Variants in SNAPC3 observed in about 807,000 individuals in gnomAD.
The protein encoded by SNAPC3 is small nuclear RNA activating complex polypeptide 3, also known as snRNA-activating protein complex subunit 3.
A neutral mutation model predicts 47.7 loss-of-function variants in SNAPC3; 56 were observed. The ratio of observed to expected loss-of-function variants is 1.18; its 90% CI spans 0.95 to 1.47. The LOEUF is 1.47. SNAPC3 is among the 40% of genes most tolerant of loss of function. The pLI is 0.00. For missense variants in SNAPC3, 665 were observed against 511.3 expected, an observed-to-expected ratio of 1.30 and a Z score of -2.90; for synonymous variants, 235 against 189.9, an observed-to-expected ratio of 1.24 and a Z score of -1.95.
chr9:15,428,354 T>G (rs909949310), intron 2 of SNAPC3, among the ~76,000 whole-genome samples: 1 of 151,172 alleles, frequency 6.6e-6, no homozygotes, highest in Non-Finnish European at 1.5e-5. Context: ...GTAAAGCCTG[T>G]TAAGTCTAGC....
At chr9:15,451,168 T>C (rs943434562) in intron 5 of SNAPC3, 152 bp from the exon 6 acceptor site, 1 of 408,708 alleles carries the variant, frequency 2.4e-6, no homozygotes, top group Non-Finnish European at 4.4e-6. Flanking sequence ...ACGTAGTGAT[T>C]ATAACAGCAA....
chr9:15,428,948 C>T (rs2031797069), intron 2 of SNAPC3, among the ~76,000 whole-genome samples: 1 of 151,776 alleles, frequency 6.6e-6, no homozygotes, highest in Non-Finnish European at 1.5e-5. Context: ...AAAACATAAT[C>T]CAGCAAAAGT....
At chr9:15,428,759 A>G (rs772975576) in intron 2 of SNAPC3, among the ~76,000 whole-genome samples, 19 of 152,176 alleles carry the variant, frequency 1.2e-4, no homozygotes, top group Non-Finnish European at 2.2e-4. Flanking sequence ...ATAGACTGAA[A>G]TGAAAGCAAG....
chr9:15,443,887 A>G (rs1037282821), intron 3 of SNAPC3, among the ~76,000 whole-genome samples: 9 of 152,306 alleles, frequency 5.9e-5, no homozygotes, highest in East Asian at 1.9e-4. Context: ...CTCGTCATCA[A>G]ACACTCCCCT....
chr9:15,447,599 A>G (rs900433374), intron 5 of SNAPC3, among the ~76,000 whole-genome samples: 2 of 151,982 alleles, frequency 1.3e-5, no homozygotes, highest in African/African-American at 2.4e-5. Flanking sequence ...TCTCAGCTCA[A>G]TAGTGACCAC....
intron 1 of SNAPC3, among the ~76,000 whole-genome samples, 178 bp from the exon 2 acceptor site, chr9:15,423,731 C>G (rs527278321): frequency 2.0e-5 from 3 of 152,288 alleles, no homozygotes; most frequent in East Asian, 1.9e-4. Flanking sequence ...CTTCATCGGC[C>G]TTTTCATTAT....
intron 2 of SNAPC3, among the ~76,000 whole-genome samples, chr9:15,425,049 A>C (rs191161423): frequency 6.6e-6 from 1 of 152,166 alleles, no homozygotes; most frequent in Non-Finnish European, 1.5e-5. Flanking sequence ...CTATGGCCCT[A>C]CATCTCCTAT....
chr9:15,458,421 T>C (rs1337493218), intron 8 of SNAPC3, among the ~76,000 whole-genome samples: 1 of 152,168 alleles, frequency 6.6e-6, no homozygotes, highest in Non-Finnish European at 1.5e-5. Flanking sequence ...AGGGTCACAG[T>C]GCACATTACC....
intron 3 of SNAPC3, among the ~76,000 whole-genome samples, chr9:15,443,002 C>G (rs2033620696): frequency 2.6e-5 from 4 of 152,184 alleles, no homozygotes; most frequent in South Asian, 2.1e-4. Context: ...AACCCCGTCT[C>G]CACCAAAAAA....
intron 8 of SNAPC3, among the ~76,000 whole-genome samples, chr9:15,459,416 GGTAT>G (rs2035031101): frequency 6.6e-6 from 1 of 152,136 alleles, no homozygotes; most frequent in South Asian, 2.1e-4. Context: ...TTGGAGGATA[GGTAT>G]GTCGTGGCAA....
intron 3 of SNAPC3, among the ~76,000 whole-genome samples, chr9:15,442,894 T>A (rs934024506): frequency 7.2e-5 from 11 of 152,032 alleles, no homozygotes; most frequent in African/African-American, 2.7e-4. Context: ...GAGCACTGAG[T>A]GAAGGAGACT....
chr9:15,431,519 A>G (rs943689850), intron 2 of SNAPC3, among the ~76,000 whole-genome samples: 4 of 152,106 alleles, frequency 2.6e-5, no homozygotes, highest in Non-Finnish European at 5.9e-5. Flanking sequence ...GATACAGGAG[A>G]TAACAGAGTA....
chr9:15,423,841 C>G (rs2030944766), intron 1 of SNAPC3, 68 bp from the exon 2 acceptor site: 2 of 912,580 alleles, frequency 2.2e-6, no homozygotes, highest in Admixed American at 2.8e-5. Flanking sequence ...TTTAGGAAAA[C>G]AACCCTAACT....
At chr9:15,446,137 G>C (rs2033911940) in intron 4 of SNAPC3, among the ~76,000 whole-genome samples, 1 of 152,142 alleles carries the variant, frequency 6.6e-6, no homozygotes, top group Non-Finnish European at 1.5e-5. Flanking sequence ...TGTCAGTTTG[G>C]TATCATCTTG....
rs1422205351 is a variant in SNAPC3 at position 15,423,909 on chromosome 9, C to G, written c.315C>G (p.Gly105=). 3.2e-6 allele frequency: 5 copies of G among 1,553,754 alleles called. No homozygotes were observed. The African/African-American group carries it at 5.6e-5, about 17-fold the overall frequency. The part of the protein sequence containing the change: ...EAAAELRAVC[G]LDKLKCLEDG... Reference sequence around the variant, plus strand: ...GTATTGCTTTTCCTTTTTGTTTTAGCCTTGATAAACTGAAATGCCTTGAGG... The same window carrying G: ...GTATTGCTTTTCCTTTTTGTTTTAGGCTTGATAAACTGAAATGCCTTGAGG... Residue 105 remains glycine, a splice_region_variant and synonymous_variant, in exon 2 of 9, where the codon GGC becomes GGG. Transcript: ENST00000380821.
intron 3 of SNAPC3, among the ~76,000 whole-genome samples, chr9:15,436,075 C>T (rs2032775764): frequency 2.6e-5 from 4 of 152,126 alleles, no homozygotes; most frequent in Admixed American, 2.6e-4. Context: ...AACTCCTGAC[C>T]TCAGGTGATC....
downstream of SNAPC3, chr9:15,465,654 G>T: frequency 3.2e-6 from 4 of 1,261,192 alleles, no homozygotes; most frequent in Non-Finnish European, 4.5e-6. Flanking sequence ...CATTAAGTCT[G>T]CATTATATTT....
chr9:15,454,824 C>T (rs962902847), intron 7 of SNAPC3, among the ~76,000 whole-genome samples: 2 of 152,152 alleles, frequency 1.3e-5, no homozygotes, highest in Non-Finnish European at 2.9e-5. Flanking sequence ...GTCCTAGCTA[C>T]TCGGGAGGCT....
At chr9:15,451,989 A>T (rs1334149859) in intron 6 of SNAPC3, among the ~76,000 whole-genome samples, 1 of 151,764 alleles carries the variant, frequency 6.6e-6, no homozygotes, top group Non-Finnish European at 1.5e-5. Flanking sequence ...AAAATGAAAA[A>T]GTCTCGTTCT....
Sources: gnomAD v4.1 joint callset for allele counts (sites outside exome capture counted in the v4.1 genomes callset) on GRCh38, gnomAD v4.1.1 for gene constraint, MANE v1.5 for transcripts, NCBI Gene and HGNC (gene_info 2026-07-23, HGNC 2026-07-21) for gene names.